ACOXL: variants seen among roughly 807,000 people sequenced by gnomAD.
ACOXL encodes the protein acyl-coenzyme A oxidase-like protein.
In ACOXL, 70 loss-of-function variants were observed where a neutral mutation model predicts 71.9. That is an observed-to-expected ratio of 0.97 (90% confidence interval 0.80 to 1.19). The LOEUF is 1.19. Ranked by LOEUF, ACOXL falls within the 50% of genes most tolerant of loss-of-function variation. ACOXL has a pLI of 0.00. For missense variants in ACOXL, 703 were observed against 736.3 expected (o/e 0.95, Z 0.52); for synonymous variants, 253 against 281.6 (o/e 0.90, Z 1.02).
At position 110,963,565 on chromosome 2, in the gene ACOXL, A is replaced by G. The variant is rs1020853587; in HGVS notation, c.1060-23543A>G. On this transcript the variant is annotated intron_variant, in intron 12 of 17. Transcript: ENST00000439055. ...GTAGTGATGGGATCGCAAATTTGAA[A>G]TGTGTGTGTGTGTGTGTGTGTGTGT... is the stretch of plus-strand genomic sequence containing the variant. 80 of 1,454,008 alleles carry G rather than the reference A, an allele frequency of 5.5e-5. No individual in the cohort carries two copies. The South Asian group carries it at 5.6e-4, about 10-fold the overall frequency. The allele number at this position is 1,454,008 out of a possible 1,614,324, so 90.1% of individuals were successfully genotyped here.
At chr2:111,019,695 A>G (rs1183203064) in intron 14 of ACOXL, among the ~76,000 whole-genome samples, 2 of 152,174 alleles carry the variant, frequency 1.3e-5, no homozygotes, top group Non-Finnish European at 2.9e-5. Flanking sequence ...GGGTCTGTTT[A>G]TATTGCCGGA....
intron 12 of ACOXL, among the ~76,000 whole-genome samples, chr2:110,945,310 G>C (rs1417435229): frequency 1.3e-5 from 2 of 149,056 alleles, no homozygotes; most frequent in Non-Finnish European, 3.0e-5. Context: ...TCTGTTGATA[G>C]TTTCTTTTGC....
chr2:110,764,962 C>T (rs1680866284), intron 1 of ACOXL, among the ~76,000 whole-genome samples: 1 of 152,206 alleles, frequency 6.6e-6, no homozygotes, highest in Non-Finnish European at 1.5e-5. Flanking sequence ...TTTAAGTCAG[C>T]TTGCTAGCAA....
chr2:110,733,303 G>A (rs1221534111), intron 1 of ACOXL, among the ~76,000 whole-genome samples: 1 of 151,658 alleles, frequency 6.6e-6, no homozygotes, highest in Non-Finnish European at 1.5e-5. Context: ...AGCTTCAGCG[G>A]GGCGGTTTGG....
intron 1 of ACOXL, among the ~76,000 whole-genome samples, chr2:110,751,233 G>A (rs929433332): frequency 2.9e-4 from 43 of 150,770 alleles, no homozygotes; most frequent in African/African-American, 9.8e-4. Context: ...CCTGGGAGGC[G>A]GAGCTTGCAG....
At chr2:110,834,768 C>T (rs1166466635) in intron 9 of ACOXL, among the ~76,000 whole-genome samples, 1 of 152,212 alleles carries the variant, frequency 6.6e-6, no homozygotes, top group African/African-American at 2.4e-5. Context: ...ACCAAAGTCC[C>T]CAGCTTATGG....
Position 111,084,308 on chromosome 2 carries a change from C to A in ACOXL, c.1441-8557C>A, listed in dbSNP as rs371058804. The stretch of plus-strand genomic sequence containing the variant: ...ACACACACACACACACACACACACA[C>A]AAGAAGTGGAAGGATTGTGGGGGAG... On this transcript the variant is annotated intron_variant, in intron 16 of 17. Transcript: ENST00000439055. 3.8e-5 allele frequency among the ~76,000 whole-genome samples: 5 copies of A among 132,434 alleles called. No individual in the cohort carries two copies. The South Asian group carries it at 9.7e-4, about 26-fold the overall frequency. The allele number at this position is 132,434 out of a possible 152,430, so 86.9% of individuals were successfully genotyped here. A position where few individuals can be genotyped will look rare whatever the true frequency, so the allele number is the denominator to read the frequency against.
intron 11 of ACOXL, among the ~76,000 whole-genome samples, chr2:110,914,712 T>C (rs967068227): frequency 3.3e-5 from 5 of 152,228 alleles, no homozygotes; most frequent in African/African-American, 9.6e-5. Context: ...CAGTACAATA[T>C]TGAGTAGCAG....
At chr2:110,884,883 C>T (rs1697094173) in intron 10 of ACOXL, among the ~76,000 whole-genome samples, 1 of 151,892 alleles carries the variant, frequency 6.6e-6, no homozygotes, top group Admixed American at 6.6e-5. Context: ...AGTAGATTGG[C>T]CACGAGATAC....
chr2:110,990,572 T>G (rs2063132448), intron 13 of ACOXL, among the ~76,000 whole-genome samples: 1 of 152,206 alleles, frequency 6.6e-6, no homozygotes, highest in Non-Finnish European at 1.5e-5. Context: ...CAAGGTGTTC[T>G]TTTGTCTTAT....
chr2:110,814,838 A>G (rs1437032542), intron 9 of ACOXL, among the ~76,000 whole-genome samples: 1 of 152,188 alleles, frequency 6.6e-6, no homozygotes, highest in Non-Finnish European at 1.5e-5. Flanking sequence ...TCAGAATTGT[A>G]TCATGTTTTT....
chr2:110,764,568 G>C (rs1396466156), intron 1 of ACOXL, among the ~76,000 whole-genome samples: 1 of 152,142 alleles, frequency 6.6e-6, no homozygotes, highest in African/African-American at 2.4e-5. Context: ...TACTATAATA[G>C]TAGATACATG....
intron 1 of ACOXL, 134 bp from the exon 2 acceptor site, chr2:110,768,234 C>T: frequency 1.2e-5 from 8 of 646,216 alleles, no homozygotes; most frequent in Non-Finnish European, 2.2e-5. Context: ...CTGTGTGACA[C>T]ACACAGTGTG....
intron 10 of ACOXL, among the ~76,000 whole-genome samples, chr2:110,901,120 C>G (rs968817940): frequency 1.3e-5 from 2 of 152,198 alleles, no homozygotes; most frequent in Non-Finnish European, 1.5e-5. Flanking sequence ...AGTGTCAGCC[C>G]CTGCTGGATA....
At chr2:110,850,628 C>G (rs1023265459) in intron 10 of ACOXL, among the ~76,000 whole-genome samples, 4 of 152,132 alleles carry the variant, frequency 2.6e-5, no homozygotes, top group African/African-American at 9.7e-5. Context: ...ATCAAAACTT[C>G]CCAACACAAA....
chr2:110,862,585 G>A (rs745527058), intron 10 of ACOXL, among the ~76,000 whole-genome samples: 55 of 152,248 alleles, frequency 3.6e-4, no homozygotes, highest in Admixed American at 2.4e-3. Flanking sequence ...TAGCTGAGAC[G>A]CAGAGGTTGG....
intron 11 of ACOXL, among the ~76,000 whole-genome samples, chr2:110,915,162 A>G (rs1187423956): frequency 1.3e-5 from 2 of 151,468 alleles, no homozygotes; most frequent in African/African-American, 2.4e-5. Flanking sequence ...ATTCCCTTCA[A>G]TTCCTAGTTG....
chr2:110,823,886 T>A (rs60209560), intron 9 of ACOXL, among the ~76,000 whole-genome samples: 1,743 of 152,326 alleles, frequency 0.011, 30 homozygotes, highest in African/African-American at 0.041. Flanking sequence ...TTGTTAGGTA[T>A]GTGTTTTGCA....
intron 10 of ACOXL, among the ~76,000 whole-genome samples, chr2:110,901,642 C>CCACACACACACACA (rs10537484): frequency 1.4e-5 from 2 of 147,126 alleles, no homozygotes; most frequent in African/African-American, 5.0e-5. Context: ...TATCTCTACG[C>CCACACACACACACA]CACACACACA....
Sources: gnomAD v4.1 joint callset for allele counts (sites outside exome capture counted in the v4.1 genomes callset) on GRCh38, gnomAD v4.1.1 for gene constraint, MANE v1.5 for transcripts, NCBI Gene and HGNC (gene_info 2026-07-23, HGNC 2026-07-21) for gene names.